Variants in STK32B observed in about 807,000 individuals in gnomAD.
The protein encoded by STK32B is serine/threonine kinase 32B, also known as serine/threonine-protein kinase 32B.
Under a neutral mutation model 52.6 loss-of-function variants are expected in STK32B, and 43 were observed. The ratio of observed to expected loss-of-function variants is 0.82; its 90% CI spans 0.64 to 1.05. STK32B has a LOEUF of 1.05. Among genes scored for constraint, STK32B ranks in the 50% least tolerant of loss-of-function variants. The probability of loss-of-function intolerance (pLI) is 0.00; values close to 1 mark genes in which losing one functional copy is unlikely to be tolerated. For synonymous variants in STK32B, 238 were observed against 204.3 expected (o/e 1.17, Z -1.41); for missense variants, 621 against 534.6 (o/e 1.16, Z -1.59).
intron 4 of STK32B, among the ~76,000 whole-genome samples, chr4:5,362,285 T>A (rs532727214): frequency 5.3e-5 from 8 of 152,182 alleles, no homozygotes; most frequent in Non-Finnish European, 1.2e-4. Flanking sequence ...ATGAATAAAT[T>A]TCAGCCTTTA....
At chr4:5,329,100 G>A (rs913864310) in intron 3 of STK32B, among the ~76,000 whole-genome samples, 2 of 152,176 alleles carry the variant, frequency 1.3e-5, no homozygotes, top group Admixed American at 6.5e-5. Flanking sequence ...TATTGGGAAC[G>A]TCCTGGGTAC....
intron 3 of STK32B, among the ~76,000 whole-genome samples, chr4:5,184,198 T>C (rs13115405): frequency 0.69 from 104,868 of 151,980 alleles, 37,622 homozygotes; most frequent in East Asian, 0.91. Context: ...TTGAGAGACA[T>C]AGGAATCTTC....
chr4:5,316,876 A>G (rs866449515), intron 3 of STK32B, among the ~76,000 whole-genome samples: 2 of 4,728 alleles, frequency 4.2e-4, no homozygotes, highest in African/African-American at 2.3e-3. Context: ...TATTATATAT[A>G]ATATATTATA....
At chr4:5,383,318 C>T (rs1244104457) in intron 4 of STK32B, among the ~76,000 whole-genome samples, 2 of 152,210 alleles carry the variant, frequency 1.3e-5, no homozygotes, top group African/African-American at 4.8e-5. Context: ...TGCCTGGCTC[C>T]TGGTTCCACC....
intron 4 of STK32B, among the ~76,000 whole-genome samples, chr4:5,369,595 G>A (rs572811216): frequency 2.0e-5 from 3 of 152,184 alleles, no homozygotes; most frequent in African/African-American, 7.2e-5. Context: ...CTCATGGGCA[G>A]GGGAAGAAAA....
chr4:5,321,120 G>C (rs1043193698), intron 3 of STK32B, among the ~76,000 whole-genome samples: 1 of 152,066 alleles, frequency 6.6e-6, no homozygotes. Flanking sequence ...AGCTGAGTGC[G>C]ACTCTAGGCA....
chr4:5,140,003 G>T (rs747366126), intron 2 of STK32B, 43 bp downstream of exon 2: 5 of 1,608,734 alleles, frequency 3.1e-6, no homozygotes, highest in Non-Finnish European at 4.3e-6. Flanking sequence ...AAGTATGTGT[G>T]TATATTTGTG....
intron 3 of STK32B, among the ~76,000 whole-genome samples, chr4:5,320,150 C>T (rs1488520593): frequency 6.6e-6 from 1 of 152,126 alleles, no homozygotes; most frequent in Admixed American, 6.5e-5. Flanking sequence ...GGTCCCTCCC[C>T]TATGTGTTTC....
intron 4 of STK32B, among the ~76,000 whole-genome samples, chr4:5,337,937 G>C (rs567182401): frequency 6.6e-6 from 1 of 152,276 alleles, no homozygotes; most frequent in Non-Finnish European, 1.5e-5. Flanking sequence ...GAGAAAGACG[G>C]CTAAATCTTT....
At chr4:5,314,982 A>G (rs1042421946) in intron 3 of STK32B, among the ~76,000 whole-genome samples, 2 of 152,188 alleles carry the variant, frequency 1.3e-5, no homozygotes, top group African/African-American at 4.8e-5. Flanking sequence ...ACTGGACCTC[A>G]TTAAAATTGA....
intron 1 of STK32B, among the ~76,000 whole-genome samples, chr4:5,054,880 T>C (rs1354931992): frequency 6.6e-6 from 1 of 152,242 alleles, no homozygotes; most frequent in African/African-American, 2.4e-5. Flanking sequence ...TAACTCATTG[T>C]GTGCAAGTGG....
chr4:5,321,560 C>T (rs982877066), intron 3 of STK32B, among the ~76,000 whole-genome samples: 2 of 152,170 alleles, frequency 1.3e-5, no homozygotes, highest in East Asian at 1.9e-4. Context: ...GTACGTGTGC[C>T]TCTCCTTCGT....
chr4:5,317,226 ATATATAACATATATATAT>A (rs1441805481), intron 3 of STK32B, among the ~76,000 whole-genome samples: 1 of 48,160 alleles, frequency 2.1e-5, no homozygotes, highest in Non-Finnish European at 2.8e-5. Flanking sequence ...TATATATATT[ATATATAACATATATATAT>A]TATATATAAC....
chr4:5,463,592 C>A lies in STK32B; in HGVS notation c.910-3111C>A, dbSNP rs115504447. Among the ~76,000 whole-genome samples the A allele has an allele frequency of 8.7e-3, 1,323 of 152,216 alleles. 28 individuals are homozygous for A. Among genetic ancestry groups the A allele is most frequent in the African/African-American group, 0.03 (1,241 of 41,528 alleles). On this transcript the variant is annotated intron_variant, in intron 9 of 11. Coordinates refer to ENST00000282908, the MANE Select transcript of STK32B (RefSeq NM_018401.3). ...CCTACTCATCCTACACAAGCACATG[C>A]ATTCACATATATACTCACCCACACA...
intron 3 of STK32B, among the ~76,000 whole-genome samples, chr4:5,194,547 G>C (rs532979124): frequency 4.2e-4 from 64 of 152,326 alleles, no homozygotes; most frequent in African/African-American, 1.3e-3. Flanking sequence ...CAGAGCAATT[G>C]AAAGATGAAC....
rs374474991 is a variant in STK32B, at chr4:5,379,075, T to C, written c.435-19132T>C. Among the ~76,000 whole-genome samples the C allele has an allele frequency of 9.0e-4, 137 of 152,234 alleles. 2 individuals carry two copies. Among genetic ancestry groups the C allele is most frequent in the African/African-American group, 2.8e-3 (118 of 41,542 alleles). On this transcript the variant is annotated intron_variant, in intron 4 of 11. Coordinates refer to ENST00000282908, the MANE Select transcript of STK32B (RefSeq NM_018401.3). ...CACCAAGGAGAGAAATCCCAGAATT[T>C]AGCCCTGAATGAGGCTGCCCCCTCC... is the stretch of plus-strand genomic sequence containing the variant.
At chr4:5,427,201 CTT>C (rs1431514411) in intron 6 of STK32B, among the ~76,000 whole-genome samples, 1 of 152,188 alleles carries the variant, frequency 6.6e-6, no homozygotes, top group Non-Finnish European at 1.5e-5. Context: ...TGCTGACTGA[CTT>C]TGAAATGTTG....
At chr4:5,341,857 T>A (rs116259161) in intron 4 of STK32B, among the ~76,000 whole-genome samples, 5,551 of 152,076 alleles carry the variant, frequency 0.037, 291 homozygotes, top group African/African-American at 0.12. Context: ...CACTTTTTTT[T>A]AAAAATACTT....
chr4:5,173,037 G>A (rs1719521215), intron 3 of STK32B, among the ~76,000 whole-genome samples: 1 of 152,116 alleles, frequency 6.6e-6, no homozygotes, highest in African/African-American at 2.4e-5. Flanking sequence ...TTTAGTCTTG[G>A]GAGAGTGTAT....
Sources: gnomAD v4.1 joint callset for allele counts (sites outside exome capture counted in the v4.1 genomes callset) on GRCh38, gnomAD v4.1.1 for gene constraint, MANE v1.5 for transcripts, NCBI Gene and HGNC (gene_info 2026-07-23, HGNC 2026-07-21) for gene names.